The following PLAAT5 variants were observed in gnomAD, a reference collection of about 807,000 sequenced individuals.
The protein encoded by PLAAT5 is phospholipase A and acyltransferase 5, also known as Ca(2+)-independent N-acyltransferase.
A neutral mutation model predicts 27.8 loss-of-function variants in PLAAT5; 27 were observed. That is an observed-to-expected ratio of 0.97 (90% CI 0.72 to 1.34). The LOEUF (loss-of-function observed/expected upper bound fraction) is 1.34, where lower values mean the gene tolerates loss of function less well. Ranked by LOEUF, PLAAT5 falls within the 40% of genes most tolerant of loss-of-function variation. The pLI is 0.00. For missense variants in PLAAT5, 368 were observed against 343.8 expected (o/e 1.07, Z -0.56); for synonymous variants, 125 against 136.1 (o/e 0.92, Z 0.57).
chr11:63,477,043 A>G (rs1406314736), intron 3 of PLAAT5, among the ~76,000 whole-genome samples: 1 of 152,002 alleles, frequency 6.6e-6, no homozygotes, highest in African/African-American at 2.4e-5. Flanking sequence ...GTGCTTCTTT[A>G]TCATTTCTAC....
At chr11:63,464,132 G>T (rs1020728121) in intron 5 of PLAAT5, among the ~76,000 whole-genome samples, 1 of 152,118 alleles carries the variant, frequency 6.6e-6, no homozygotes, top group Non-Finnish European at 1.5e-5. Flanking sequence ...CTAGAGAAAA[G>T]CCTCACAAGA....
chr11:63,474,147 G>C (rs932385520), intron 3 of PLAAT5, among the ~76,000 whole-genome samples: 1 of 152,138 alleles, frequency 6.6e-6, no homozygotes, highest in Non-Finnish European at 1.5e-5. Flanking sequence ...TATATTCATA[G>C]AGATATTAGT....
chr11:63,472,389 A>G (rs1023343931), intron 3 of PLAAT5, among the ~76,000 whole-genome samples: 2 of 152,212 alleles, frequency 1.3e-5, no homozygotes, highest in Non-Finnish European at 2.9e-5. Context: ...ATATGGAGGC[A>G]CCACATTTTG....
chr11:63,484,126 T>C (rs1185555582), intron 3 of PLAAT5, among the ~76,000 whole-genome samples: 1 of 148,758 alleles, frequency 6.7e-6, no homozygotes, highest in South Asian at 2.1e-4. Flanking sequence ...AGTAGCAAGA[T>C]TGAAACAGTA....
chr11:63,474,972 A>T (rs2016118006), intron 3 of PLAAT5, among the ~76,000 whole-genome samples: 1 of 152,048 alleles, frequency 6.6e-6, no homozygotes, highest in Non-Finnish European at 1.5e-5. Flanking sequence ...CCAAAATATC[A>T]CTTGGCTATT....
In PLAAT5 at chr11:63,488,878, G is replaced by C. The variant is rs373708108; in HGVS notation, c.338C>G (p.Ala113Gly). The change falls in exon 3 of 6, where the codon GCA becomes GGA. Residue 113 changes from alanine to glycine, a missense_variant. By Grantham distance (60) the Ala-to-Gly change is moderately conservative. Coordinates refer to ENST00000540857, the MANE Select transcript of PLAAT5 (RefSeq NM_001146729.2). ...AATTCTTGTTACACCTACCTCAGCT[G>C]CTTGCTTTATTAACTTGCCTTCATT... ...PENEGKLIKQ[A>G]AEGKPRPRPG... 6.2e-7 allele frequency: 1 copy of C among 1,609,378 alleles called. No individual in the cohort carries two copies. Among genetic ancestry groups the C allele is most frequent in the African/African-American group, 1.3e-5 (1 of 74,750 alleles).
At chr11:63,469,145 T>TGTGTGTGTGTGAGAGA (rs377110717) in intron 3 of PLAAT5, among the ~76,000 whole-genome samples, 35 of 122,712 alleles carry the variant, frequency 2.9e-4, no homozygotes, top group African/African-American at 9.8e-4. Flanking sequence ...TGTGTGTGTG[T>TGTGTGTGTGTGAGAGA]GAGAGAGAGA....
intron 3 of PLAAT5, among the ~76,000 whole-genome samples, chr11:63,481,920 C>T (rs747895788): frequency 6.6e-5 from 10 of 151,846 alleles, no homozygotes; most frequent in South Asian, 2.1e-4. Context: ...GTAGGGGGAG[C>T]GGGGAGGGAT....
intron 3 of PLAAT5, among the ~76,000 whole-genome samples, chr11:63,474,454 T>A (rs751400954): frequency 1.2e-4 from 18 of 152,210 alleles, no homozygotes; most frequent in Non-Finnish European, 2.5e-4. Context: ...GTTGTCTAAT[T>A]TGTTTGCTTA....
chr11:63,491,008 C>T lies in PLAAT5; in HGVS notation c.27G>A (p.Gly9=), dbSNP rs548967553. 4.6e-6 allele frequency: 7 copies of T among 1,516,814 alleles called. No individual in the cohort carries two copies. The East Asian group carries it at 1.8e-4, about 39-fold the overall frequency. 94.0% of individuals were successfully genotyped at this position (1,516,814 alleles called of 1,614,324 possible). Residue 9 remains glycine (G), a synonymous_variant, in exon 1 of 6, where the codon GGG becomes GGA. Coordinates refer to ENST00000540857, the MANE Select transcript of PLAAT5 (RefSeq NM_001146729.2). MGLSPGAE[G]EYALRLPRIP... ...TCCTAGGGAGGCGGAGCGCGTACTC[C>T]CCCTCGGCGCCCGGGCTCAGGCCCA... is the stretch of plus-strand genomic sequence containing the variant.
chr11:63,490,255 C>T lies in PLAAT5; in HGVS notation c.227G>A (p.Ser76Asn), dbSNP rs2016529212. Reference sequence around the variant, plus strand: ...ACAATCTTCTTACCCTTGCTGGATGCTTCTGCCCTGTTCTAATGTGCCCGG... The same window carrying T: ...ACAATCTTCTTACCCTTGCTGGATGTTTCTGCCCTGTTCTAATGTGCCCGG... ...PPPGTLEQGR[S>N]IQQGEKAVVS... The change falls in exon 2 of 6, where the codon AGC becomes AAC. Residue 76 changes from serine to asparagine, a missense_variant. Transcript: ENST00000540857. The T allele has an allele frequency of 6.2e-7, 1 of 1,614,252 alleles. No homozygotes were observed. The highest frequency in any genetic ancestry group is 8.5e-7 in the Non-Finnish European group (1 of 1,180,042).
At position 63,490,870 on chromosome 11, in the gene PLAAT5, G is replaced by A. The variant is rs781718640; in HGVS notation, c.148+17C>T. The A allele has an allele frequency of 1.3e-6, 2 of 1,592,762 alleles. No individual in the cohort carries two copies. Among genetic ancestry groups the A allele is most frequent in the South Asian group, 1.1e-5 (1 of 88,626 alleles). On this transcript the variant is annotated intron_variant, in intron 1 of 5. Transcript: ENST00000540857. ...GACAATTGCGGATTGTCCTTCAGCC[G>A]CATTCTTGGGGCTGACCTGAGTGGG...
chr11:63,486,034 A>G (rs1284788013), intron 3 of PLAAT5, among the ~76,000 whole-genome samples: 1 of 152,182 alleles, frequency 6.6e-6, no homozygotes, highest in Non-Finnish European at 1.5e-5. Context: ...AAACTGCTCA[A>G]CGTCACTAAT....
At chr11:63,465,371 AGTGTGT>A (rs58014474) in intron 5 of PLAAT5, among the ~76,000 whole-genome samples, 10,538 of 145,196 alleles carry the variant, frequency 0.073, 580 homozygotes, top group African/African-American at 0.15. Context: ...TCAAACAAAA[AGTGTGT>A]GTGTGTGTGT....
intron 3 of PLAAT5, among the ~76,000 whole-genome samples, chr11:63,480,237 CTTG>C (rs944441392): frequency 1.3e-5 from 2 of 152,164 alleles, no homozygotes; most frequent in African/African-American, 2.4e-5. Flanking sequence ...CAATCAAATC[CTTG>C]TTGTTGTTTC....
At chr11:63,465,076 A>G (rs2015822357) in intron 5 of PLAAT5, among the ~76,000 whole-genome samples, 1 of 152,114 alleles carries the variant, frequency 6.6e-6, no homozygotes, top group Non-Finnish European at 1.5e-5. Flanking sequence ...TCAGGCATTC[A>G]AGACCAGCCT....
At chr11:63,481,651 C>A (rs1449714927) in intron 3 of PLAAT5, among the ~76,000 whole-genome samples, 2 of 152,110 alleles carry the variant, frequency 1.3e-5, no homozygotes, top group African/African-American at 4.8e-5. Flanking sequence ...GACTTGGAAC[C>A]AACCCAAATG....
Position 63,468,387 on chromosome 11 carries a change from C to A in PLAAT5, c.424G>T (p.Asp142Tyr). The change falls in exon 4 of 6, where the codon GAT (aspartate) becomes TAT (tyrosine). Residue 142 changes from aspartate to tyrosine, a missense_variant. Physicochemically the swap from Asp to Tyr is radical, Grantham distance 160. Coordinates refer to ENST00000540857, the MANE Select transcript of PLAAT5 (RefSeq NM_001146729.2). Reference sequence around the variant, plus strand: ...GGAGCCAGATGGACCACGCAATCATCTTCTACATAGATGGCCCAGTGCTCA... The same window carrying A: ...GGAGCCAGATGGACCACGCAATCATATTCTACATAGATGGCCCAGTGCTCA... ...GYEHWAIYVE[D>Y]DCVVHLAPPS... 6.2e-7 allele frequency: 1 copy of A among 1,614,082 alleles called. No individual in the cohort carries two copies. The highest frequency in any genetic ancestry group is 1.1e-5 in the South Asian group (1 of 91,080).
intron 3 of PLAAT5, among the ~76,000 whole-genome samples, chr11:63,471,643 G>GT (rs1025060708): frequency 1.3e-5 from 2 of 152,182 alleles, no homozygotes. Flanking sequence ...GAAGCAAGAG[G>GT]TAAGTGTTCA....
Sources: allele counts gnomAD v4.1 joint callset (sites outside exome capture counted in the v4.1 genomes callset), GRCh38; gene constraint gnomAD v4.1.1; transcripts MANE v1.5; gene names NCBI Gene and HGNC (gene_info 2026-07-23, HGNC 2026-07-21).